The following FBXW2 variants were observed in gnomAD, a reference collection of about 807,000 sequenced individuals.
The protein encoded by FBXW2 is F-box/WD repeat-containing protein 2.
FBXW2 carries 12 observed loss-of-function variants against 46.0 expected under a neutral mutation model. The ratio of observed to expected loss-of-function variants is 0.26; its 90% CI spans 0.17 to 0.42. FBXW2 has a LOEUF of 0.42. Among genes scored for constraint, FBXW2 ranks in the 10% least tolerant of loss-of-function variants. FBXW2 has a pLI of 1.00. For missense variants in FBXW2, 360 were observed against 537.0 expected (o/e 0.67, Z 3.26); for synonymous variants, 203 against 209.6 (o/e 0.97, Z 0.27).
rs368659130 is a variant in FBXW2 at position 120,790,270 on chromosome 9, G to C, written c.-20-1992C>G. 2.0e-5 allele frequency among the ~76,000 whole-genome samples: 3 copies of C among 152,164 alleles called. No individual in the cohort carries two copies. In the East Asian group the frequency reaches 5.8e-4, roughly 29 times the overall value. ...GAGGTGGGCTCGGCCGGATCACGAG[G>C]TCAGGAGATCGAGATCATCCTGGCT... is the stretch of plus-strand genomic sequence containing the variant. On this transcript the variant is annotated intron_variant, in intron 2 of 7. Coordinates refer to ENST00000608872, the MANE Select transcript of FBXW2 (RefSeq NM_012164.4).
chr9:120,772,647 C>T (rs138102330), intron 6 of FBXW2, 107 bp downstream of exon 6: 8 of 675,434 alleles, frequency 1.2e-5, no homozygotes, highest in African/African-American at 1.1e-4. Flanking sequence ...GACTAAGACA[C>T]TCCCCCTCCT....
chr9:120,770,653 G>C (rs1179901527), intron 7 of FBXW2, among the ~76,000 whole-genome samples: 6 of 152,152 alleles, frequency 3.9e-5, no homozygotes, highest in African/African-American at 1.4e-4. Flanking sequence ...AGCTACAGAG[G>C]AGTTAAGAAA....
chr9:120,781,896 G>A (rs1360767774), intron 3 of FBXW2, among the ~76,000 whole-genome samples: 1 of 151,710 alleles, frequency 6.6e-6, no homozygotes, highest in Non-Finnish European at 1.5e-5. Context: ...GGTGGCGCAC[G>A]CCTGTAATCC....
At chr9:120,784,016 T>C (rs1041868166) in intron 3 of FBXW2, among the ~76,000 whole-genome samples, 1 of 152,194 alleles carries the variant, frequency 6.6e-6, no homozygotes, top group Admixed American at 6.5e-5. Context: ...CTGTCACAAA[T>C]ACCTCTCTTC....
At chr9:120,775,970 G>C (rs1489574454) in intron 5 of FBXW2, 123 bp downstream of exon 5, 2 of 1,152,730 alleles carry the variant, frequency 1.7e-6, no homozygotes, top group African/African-American at 1.5e-5. Context: ...GTACCATTAT[G>C]CTTTGTAGGT....
In FBXW2 at chr9:120,760,010, AC is replaced by A. The variant is rs2044172916; in HGVS notation, c.*4548del. ...GCATGGGGAACCTTTGATCAGAAACACTGCCAAAGATGGCTAATGGGCATTG... is the reference window on the plus strand; with the variant it reads ...GCATGGGGAACCTTTGATCAGAAACATGCCAAAGATGGCTAATGGGCATTG... On this transcript the variant is annotated 3_prime_UTR_variant, in exon 8 of 8. Transcript: ENST00000608872. 1.3e-5 allele frequency: 2 copies of A among 152,232 alleles called. No individual in the cohort carries two copies. The highest frequency in any genetic ancestry group is 4.1e-4 in the South Asian group (2 of 4,834). The allele number at this position is 152,232 out of a possible 1,614,324, so 9.4% of individuals were successfully genotyped here. A position where few individuals can be genotyped will look rare whatever the true frequency, so the allele number is the denominator to read the frequency against.
At chr9:120,789,606 T>G (rs934108361) in intron 2 of FBXW2, among the ~76,000 whole-genome samples, 1 of 152,228 alleles carries the variant, frequency 6.6e-6, no homozygotes, top group Non-Finnish European at 1.5e-5. Context: ...AATACTCAGT[T>G]TCTCACAAGA....
intron 4 of FBXW2, 99 bp downstream of exon 4, chr9:120,778,252 G>A (rs1457186028): frequency 2.0e-6 from 2 of 1,005,612 alleles, no homozygotes; most frequent in Admixed American, 5.5e-5. Context: ...GTTGAAAAAA[G>A]CAGGTTAAAT....
chr9:120,771,364 T>C lies in FBXW2; in HGVS notation c.1060A>G (p.Ser354Gly), dbSNP rs1315674478. ...ALGLYQWDFA[S>G]YDILRVIKTP... ...AAACATTACCTGAGAATATCATAAC[T>C]GGCAAAGTCCCACTGGTAGAGACCA... Residue 354 changes from serine to glycine, a missense_variant, in exon 7 of 8, where the codon AGT (serine) becomes GGT (glycine). Coordinates refer to ENST00000608872, the MANE Select transcript of FBXW2 (RefSeq NM_012164.4). The C allele has an allele frequency of 6.2e-7, 1 of 1,609,906 alleles. No individual in the cohort carries two copies. Among genetic ancestry groups the C allele is most frequent in the Non-Finnish European group, 8.5e-7 (1 of 1,178,866 alleles).
Position 120,761,000 on chromosome 9 carries a change from C to T in FBXW2, c.*3559G>A, listed in dbSNP as rs777418941. The stretch of plus-strand genomic sequence containing the variant: ...TACGAAAAATGAAGTGCAAACCTTA[C>T]AATTTCATAGCAATGTTCCCCACGT... On this transcript the variant is annotated 3_prime_UTR_variant, in exon 8 of 8. Coordinates refer to ENST00000608872, the MANE Select transcript of FBXW2 (RefSeq NM_012164.4). The T allele has an allele frequency of 6.6e-5, 10 of 152,204 alleles. No homozygotes were observed. Among genetic ancestry groups the T allele is most frequent in the Non-Finnish European group, 1.5e-4 (10 of 68,040 alleles). The allele number at this position is 152,204 out of a possible 1,614,324, so 9.4% of individuals were successfully genotyped here. A position where few individuals can be genotyped will look rare whatever the true frequency, so the allele number is the denominator to read the frequency against.
chr9:120,781,190 A>C (rs2131345961), intron 3 of FBXW2, among the ~76,000 whole-genome samples: 1 of 152,320 alleles, frequency 6.6e-6, no homozygotes, highest in Non-Finnish European at 1.5e-5. Context: ...ATTGAGTTGC[A>C]ATTACTCTCT....
chr9:120,778,336 A>T lies in FBXW2; in HGVS notation c.685+15T>A. 1 of 1,606,460 alleles carries T rather than the reference A, an allele frequency of 6.2e-7. No individual in the cohort carries two copies. Among genetic ancestry groups the T allele is most frequent in the Non-Finnish European group, 8.5e-7 (1 of 1,177,276 alleles). ...GAGGCTAAGTTGTAAAAACCCTTGA[A>T]AAAGGGCAACCCACCCGCCCCCGTG... On this transcript the variant is annotated intron_variant, in intron 4 of 7. Coordinates refer to ENST00000608872, the MANE Select transcript of FBXW2 (RefSeq NM_012164.4).
At chr9:120,775,271 T>G (rs558191132) in intron 5 of FBXW2, among the ~76,000 whole-genome samples, 30 of 152,302 alleles carry the variant, frequency 2.0e-4, no homozygotes, top group Non-Finnish European at 2.6e-4. Context: ...CTCGAACTCC[T>G]GGGCTCAGGT....
At position 120,764,428 on chromosome 9, in the gene FBXW2, A is replaced by G; in HGVS notation, c.*131T>C. On this transcript the variant is annotated 3_prime_UTR_variant, in exon 8 of 8. Coordinates refer to ENST00000608872, the MANE Select transcript of FBXW2 (RefSeq NM_012164.4). ...CCCTGGCCCCTGGCAAAACATAGAT[A>G]AATGATTGTGCACTGCGTGATGATA... 1 of 1,073,798 alleles carries G rather than the reference A, an allele frequency of 9.3e-7. No individual in the cohort carries two copies. The highest frequency in any genetic ancestry group is 1.4e-6 in the Non-Finnish European group (1 of 739,664). The allele number at this position is 1,073,798 out of a possible 1,614,324, so 66.5% of individuals were successfully genotyped here.
At position 120,793,334 on chromosome 9, in the gene FBXW2, G is replaced by C; in HGVS notation, c.-130+20C>G. 1 of 425,272 alleles carries C rather than the reference G, an allele frequency of 2.4e-6. No individual in the cohort carries two copies. Among genetic ancestry groups the C allele is most frequent in the East Asian group, 3.5e-5 (1 of 28,368 alleles). The allele number at this position is 425,272 out of a possible 1,614,324, so 26.3% of individuals were successfully genotyped here. On this transcript the variant is annotated intron_variant, in intron 1 of 7. Coordinates refer to ENST00000608872, the MANE Select transcript of FBXW2 (RefSeq NM_012164.4). ...CGCCTAAGAGTCCCCTCCCCGACCG[G>C]CCCCGCCTCGCATACAGACCCGGAC...
At position 120,759,613 on chromosome 9, in the gene FBXW2, G is replaced by GA. The variant is rs1187485324; in HGVS notation, c.*4945dup. ...TCAAGTATACTAAGTCTAAATCAGT[G>GA]AAATATGCCTGTTCACAATCTGAGT... On this transcript the variant is annotated 3_prime_UTR_variant, in exon 8 of 8. Coordinates refer to ENST00000608872, the MANE Select transcript of FBXW2 (RefSeq NM_012164.4). The GA allele has an allele frequency of 2.6e-5, 4 of 152,214 alleles. No individual in the cohort carries two copies. Among genetic ancestry groups the GA allele is most frequent in the Admixed American group, 2.6e-4 (4 of 15,286 alleles). The allele number at this position is 152,214 out of a possible 1,614,324, so 9.4% of individuals were successfully genotyped here. A position where few individuals can be genotyped will look rare whatever the true frequency, so the allele number is the denominator to read the frequency against.
chr9:120,783,905 G>A (rs1277028155), intron 3 of FBXW2, among the ~76,000 whole-genome samples: 5 of 152,190 alleles, frequency 3.3e-5, no homozygotes, highest in Admixed American at 6.5e-5. Flanking sequence ...GCACTAATGT[G>A]AGAGTCACTA....
At position 120,761,012 on chromosome 9, in the gene FBXW2, A is replaced by C. The variant is rs541465562; in HGVS notation, c.*3547T>G. The C allele has an allele frequency of 5.9e-5, 9 of 152,346 alleles. No homozygotes were observed. The highest frequency in any genetic ancestry group is 1.3e-4 in the Non-Finnish European group (9 of 68,038). The allele number at this position is 152,346 out of a possible 1,614,324, so 9.4% of individuals were successfully genotyped here. On this transcript the variant is annotated 3_prime_UTR_variant, in exon 8 of 8. Coordinates refer to ENST00000608872, the MANE Select transcript of FBXW2 (RefSeq NM_012164.4). Reference sequence around the variant, plus strand: ...AGTGCAAACCTTACAATTTCATAGCAATGTTCCCCACGTTTCACTCATGAA... The same window carrying C: ...AGTGCAAACCTTACAATTTCATAGCCATGTTCCCCACGTTTCACTCATGAA...
At chr9:120,765,723 G>A (rs1351602084) in intron 7 of FBXW2, among the ~76,000 whole-genome samples, 2 of 152,060 alleles carry the variant, frequency 1.3e-5, no homozygotes, top group Admixed American at 6.6e-5. Context: ...AACAGTAAAG[G>A]CTGAAAATAT....
Sources: allele counts gnomAD v4.1 joint callset (sites outside exome capture counted in the v4.1 genomes callset), GRCh38; gene constraint gnomAD v4.1.1; transcripts MANE v1.5; gene names NCBI Gene and HGNC (gene_info 2026-07-23, HGNC 2026-07-21).